The following CFAP299 variants were observed in gnomAD, a reference collection of about 807,000 sequenced individuals.
CFAP299 encodes cilia and flagella associated protein 299.
CFAP299 carries 21 observed loss-of-function variants against 27.0 expected under a neutral mutation model. The observed-to-expected ratio is 0.78, with a 90% CI of 0.55 to 1.12. The LOEUF is 1.12. CFAP299 is among the 50% of genes most tolerant of loss of function. The probability of loss-of-function intolerance (pLI) is 0.00; values close to 1 mark genes in which losing one functional copy is unlikely to be tolerated. For missense variants in CFAP299, 310 were observed against 276.6 expected (o/e 1.12, Z -0.86); for synonymous variants, 104 against 98.1 (o/e 1.06, Z -0.36).
At chr4:80,441,766 G>A (rs534909205) in intron 2 of CFAP299, among the ~76,000 whole-genome samples, 2 of 152,234 alleles carry the variant, frequency 1.3e-5, no homozygotes, top group East Asian at 3.9e-4. Flanking sequence ...CTGGCAAGTT[G>A]GATAAAGAGT....
chr4:80,566,047 A>G (rs1280377368), intron 2 of CFAP299, among the ~76,000 whole-genome samples: 3 of 152,040 alleles, frequency 2.0e-5, no homozygotes, highest in African/African-American at 7.2e-5. Context: ...TATTAAGGTG[A>G]ACCCATTGCA....
chr4:80,849,649 T>C (rs1731397948), intron 3 of CFAP299, among the ~76,000 whole-genome samples: 1 of 152,062 alleles, frequency 6.6e-6, no homozygotes, highest in South Asian at 2.1e-4. Context: ...ATCTCACCTA[T>C]ATGTGGAATC....
chr4:80,590,472 A>G (rs1376160037), intron 3 of CFAP299, among the ~76,000 whole-genome samples: 1 of 152,136 alleles, frequency 6.6e-6, no homozygotes, highest in African/African-American at 2.4e-5. Context: ...CCCTGTCTCT[A>G]CTAAAAATAC....
rs966765323 is a variant in CFAP299 at position 80,635,940 on chromosome 4, G to C, written c.333+52757G>C. 2.6e-5 allele frequency among the ~76,000 whole-genome samples: 4 copies of C among 151,896 alleles called. No individual in the cohort carries two copies. In the South Asian group the frequency reaches 8.3e-4, roughly 32 times the overall value. ...TGACAATTGGGTAGTTTCACATTCT[G>C]GTAAAAATATATATATTTTCTGCAA... On this transcript the variant is annotated intron_variant, in intron 3 of 5. Transcript: ENST00000358105.
At chr4:80,512,313 T>G (rs1732349444) in intron 2 of CFAP299, among the ~76,000 whole-genome samples, 1 of 151,988 alleles carries the variant, frequency 6.6e-6, no homozygotes, top group African/African-American at 2.4e-5. Flanking sequence ...ATTACCTAGA[T>G]TCCCACTAAG....
intron 3 of CFAP299, among the ~76,000 whole-genome samples, chr4:80,791,976 G>A (rs1392278102): frequency 6.6e-6 from 1 of 151,582 alleles, no homozygotes; most frequent in East Asian, 1.9e-4. Context: ...AACAACTTCA[G>A]CAAATGGCTA....
At chr4:80,932,475 G>A (rs1256164933) in intron 4 of CFAP299, among the ~76,000 whole-genome samples, 1 of 151,836 alleles carries the variant, frequency 6.6e-6, no homozygotes, top group Non-Finnish European at 1.5e-5. Flanking sequence ...CAAAAAATTA[G>A]CCTATTACAG....
chr4:80,323,809 T>C, the CFAP299 span, among the ~76,000 whole-genome samples: 1 of 152,208 alleles, frequency 6.6e-6, no homozygotes, highest in East Asian at 1.9e-4. Flanking sequence ...TTAGTCTGTT[T>C]TAAATTAACA....
intron 3 of CFAP299, among the ~76,000 whole-genome samples, chr4:80,602,537 C>G (rs558066895): frequency 3.9e-5 from 6 of 152,120 alleles, no homozygotes; most frequent in Admixed American, 1.3e-4. Flanking sequence ...AATAATAGAT[C>G]TCTGCCTTAT....
intron 3 of CFAP299, among the ~76,000 whole-genome samples, chr4:80,716,047 T>C (rs1370220114): frequency 6.6e-6 from 1 of 152,020 alleles, no homozygotes; most frequent in Non-Finnish European, 1.5e-5. Flanking sequence ...ACTAGGATAA[T>C]GTTGATAGAA....
intron 3 of CFAP299, among the ~76,000 whole-genome samples, chr4:80,765,782 T>C (rs1274290108): frequency 2.8e-4 from 43 of 152,126 alleles, no homozygotes; most frequent in Non-Finnish European, 1.5e-5. Context: ...TTATGTTATT[T>C]ATCCTATCTC....
the CFAP299 span, among the ~76,000 whole-genome samples, chr4:80,327,732 C>CATATATATATATATATATAT: frequency 9.7e-6 from 1 of 103,154 alleles, no homozygotes; most frequent in Non-Finnish European, 2.0e-5. Context: ...AACTTCAATA[C>CATATATATATATATATATAT]ATATATATAT....
At chr4:80,618,517 A>T (rs1226757144) in intron 3 of CFAP299, among the ~76,000 whole-genome samples, 1 of 152,126 alleles carries the variant, frequency 6.6e-6, no homozygotes, top group Non-Finnish European at 1.5e-5. Flanking sequence ...ATTAGGAAAA[A>T]AATGAAGGGA....
chr4:80,908,039 A>T (rs1054721410), intron 4 of CFAP299, among the ~76,000 whole-genome samples: 2 of 152,166 alleles, frequency 1.3e-5, no homozygotes, highest in Admixed American at 6.6e-5. Flanking sequence ...ATTTTTCATC[A>T]TTCTTTTCAA....
chr4:80,799,213 T>G (rs1323901835), intron 3 of CFAP299, among the ~76,000 whole-genome samples: 20 of 112,346 alleles, frequency 1.8e-4, no homozygotes, highest in South Asian at 4.8e-4. Context: ...TATATATATA[T>G]TGTATAAATA....
At chr4:80,552,317 T>C (rs552948347) in intron 2 of CFAP299, among the ~76,000 whole-genome samples, 1 of 152,328 alleles carries the variant, frequency 6.6e-6, no homozygotes, top group African/African-American at 2.4e-5. Context: ...AAATAGATCA[T>C]ATTTTTTGCA....
rs558005472 is a variant in CFAP299, at chr4:80,414,026, C to A, written c.242+51142C>A. 2.6e-5 allele frequency among the ~76,000 whole-genome samples: 4 copies of A among 151,378 alleles called. No individual in the cohort carries two copies. In the South Asian group the frequency reaches 8.3e-4, roughly 31 times the overall value. ...AGAAGACTCAGTTGTCTTCTTGGAG[C>A]CAGGTCTGAAAGGCATGCAAGAAAC... On this transcript the variant is annotated intron_variant, in intron 2 of 5. Coordinates refer to ENST00000358105, the MANE Select transcript of CFAP299 (RefSeq NM_152770.3).
At chr4:80,917,191 T>C (rs1735809985) in intron 4 of CFAP299, among the ~76,000 whole-genome samples, 1 of 152,116 alleles carries the variant, frequency 6.6e-6, no homozygotes, top group Non-Finnish European at 1.5e-5. Flanking sequence ...TTGGGACTTT[T>C]TTTTATGATG....
chr4:80,399,529 A>T (rs1260349582), intron 2 of CFAP299, among the ~76,000 whole-genome samples: 3 of 152,132 alleles, frequency 2.0e-5, no homozygotes, highest in Admixed American at 6.6e-5. Context: ...TGATGAGTTC[A>T]TGTCCTTTGT....
Sources: allele counts gnomAD v4.1 joint callset (sites outside exome capture counted in the v4.1 genomes callset), GRCh38; gene constraint gnomAD v4.1.1; transcripts MANE v1.5; gene names NCBI Gene and HGNC (gene_info 2026-07-23, HGNC 2026-07-21).